The following DCP2 variants were observed in gnomAD, a reference collection of about 807,000 sequenced individuals.
DCP2 encodes decapping mRNA 2.
A neutral mutation model predicts 56.1 loss-of-function variants in DCP2; 30 were observed. That is an observed-to-expected ratio of 0.53 (90% CI 0.40 to 0.73). The LOEUF is 0.73. Ranked by LOEUF, DCP2 falls within the 30% of genes least tolerant of loss-of-function variation. The probability of loss-of-function intolerance (pLI) is 0.00; values close to 1 mark genes in which losing one functional copy is unlikely to be tolerated. For missense variants in DCP2, 533 were observed against 502.7 expected (o/e 1.06, Z -0.58); for synonymous variants, 197 against 163.3 (o/e 1.21, Z -1.57).
chr5:113,004,779 TA>T (rs1350299198), intron 8 of DCP2, among the ~76,000 whole-genome samples: 4 of 152,202 alleles, frequency 2.6e-5, no homozygotes, highest in Non-Finnish European at 5.9e-5. Flanking sequence ...TACTTGATGT[TA>T]TTTTTTTAAT....
At chr5:112,983,553 C>T (rs981263282) in intron 1 of DCP2, among the ~76,000 whole-genome samples, 5 of 152,162 alleles carry the variant, frequency 3.3e-5, no homozygotes, top group Non-Finnish European at 7.4e-5. Flanking sequence ...GTAGGATTGA[C>T]TTACGAGACC....
intron 1 of DCP2, among the ~76,000 whole-genome samples, chr5:112,980,389 G>T (rs1245825509): frequency 6.6e-6 from 1 of 152,190 alleles, no homozygotes; most frequent in Non-Finnish European, 1.5e-5. Flanking sequence ...TCTTCAGCTA[G>T]CCGTGTTAGT....
In DCP2 at chr5:112,980,165, A is replaced by G. The variant is rs114076892; in HGVS notation, c.53+3179A>G. On this transcript the variant is annotated intron_variant, in intron 1 of 10. Coordinates refer to ENST00000389063, the MANE Select transcript of DCP2 (RefSeq NM_152624.6). The stretch of plus-strand genomic sequence containing the variant: ...AATACAGAGTTTTTCAGTACTGTTT[A>G]AACTAGCTTATTAAAGAATTGAAAA... Among the ~76,000 whole-genome samples the G allele has an allele frequency of 9.0e-3, 1,369 of 152,330 alleles. 28 individuals carry two copies. Among genetic ancestry groups the G allele is most frequent in the African/African-American group, 0.032 (1,318 of 41,572 alleles).
At chr5:112,977,895 A>G (rs561148518) in intron 1 of DCP2, among the ~76,000 whole-genome samples, 3 of 151,856 alleles carry the variant, frequency 2.0e-5, no homozygotes, top group Admixed American at 2.0e-4. Context: ...TAGTAGTTGT[A>G]TCTCCTTCAT....
chr5:113,000,940 A>C, intron 4 of DCP2, 144 bp from the exon 5 acceptor site: 1 of 853,308 alleles, frequency 1.2e-6, no homozygotes, highest in Non-Finnish European at 1.8e-6. Flanking sequence ...TCTCATATGC[A>C]TTTCTGTACC....
At chr5:113,012,212 G>T (rs1482052315) in intron 10 of DCP2, among the ~76,000 whole-genome samples, 1 of 152,102 alleles carries the variant, frequency 6.6e-6, no homozygotes, top group Non-Finnish European at 1.5e-5. Flanking sequence ...AATTAAAAAT[G>T]AGCCAGCTGT....
At chr5:113,004,979 G>C (rs561405971) in intron 8 of DCP2, among the ~76,000 whole-genome samples, 1 of 152,072 alleles carries the variant, frequency 6.6e-6, no homozygotes, top group Non-Finnish European at 1.5e-5. Context: ...CAAAAAATTA[G>C]CTGGGCGTGG....
intron 1 of DCP2, among the ~76,000 whole-genome samples, chr5:112,981,899 T>C (rs1160260345): frequency 6.6e-6 from 1 of 152,076 alleles, no homozygotes. Flanking sequence ...TCCTCCCGAG[T>C]AGCTGGGATT....
At chr5:112,988,997 C>T (rs1401170531) in intron 2 of DCP2, among the ~76,000 whole-genome samples, 1 of 152,176 alleles carries the variant, frequency 6.6e-6, no homozygotes, top group African/African-American at 2.4e-5. Context: ...CTAAGAATAG[C>T]TACATGGAGA....
At chr5:112,980,779 A>C (rs78330770) in intron 1 of DCP2, among the ~76,000 whole-genome samples, 2,159 of 152,160 alleles carry the variant, frequency 0.014, 24 homozygotes, top group Middle Eastern at 0.02. Context: ...ACCCTTTTCT[A>C]TTCCTGTTGA....
At chr5:112,994,913 A>G (rs1005397121) in intron 4 of DCP2, among the ~76,000 whole-genome samples, 1 of 152,196 alleles carries the variant, frequency 6.6e-6, no homozygotes, top group African/African-American at 2.4e-5. Flanking sequence ...TTGAAATGGT[A>G]GTATGGATTT....
intron 4 of DCP2, among the ~76,000 whole-genome samples, chr5:112,994,261 G>A (rs181215380): frequency 1.7e-3 from 244 of 141,490 alleles, no homozygotes; most frequent in Middle Eastern, 7.3e-3. Flanking sequence ...AGCCTCGACC[G>A]CCTGGGCTCA....
At chr5:113,000,416 A>C (rs201831638) in intron 4 of DCP2, among the ~76,000 whole-genome samples, 2 of 116,978 alleles carry the variant, frequency 1.7e-5, no homozygotes, top group South Asian at 3.2e-4. Flanking sequence ...ACACACACAC[A>C]CACACACACC....
In DCP2 at chr5:113,001,172, T is replaced by C. The variant is rs1197659283; in HGVS notation, c.521T>C (p.Leu174Ser). The C allele has an allele frequency of 6.2e-7, 1 of 1,613,988 alleles. No homozygotes were observed. The highest frequency in any genetic ancestry group is 2.2e-5 in the East Asian group (1 of 44,852). ...ELRINDQLAR[L>S]YIIPGIPKDT... ...CGAATCAATGACCAGCTTGCTCGTT[T>C]GTACATCATTCCAGGAATTCCAAAA... The change falls in exon 5 of 11, where the codon TTG (leucine) becomes TCG (serine). Residue 174 changes from leucine to serine, a missense_variant. Leu to Ser is a moderately radical substitution (Grantham distance 145). Transcript: ENST00000389063.
rs765496079 is a variant in DCP2 at position 112,976,800 on chromosome 5, C to G, written c.-134C>G. ...AGCGGGTCCCGCCCCTTCCCCTTCT[C>G]GTCTCCGTTGGAGTCGTCTCTGCCG... On this transcript the variant is annotated 5_prime_UTR_variant, in exon 1 of 11. Coordinates refer to ENST00000389063, the MANE Select transcript of DCP2 (RefSeq NM_152624.6). 4 of 903,532 alleles carry G rather than the reference C, an allele frequency of 4.4e-6. No homozygotes were observed. The highest frequency in any genetic ancestry group is 7.5e-6 in the Non-Finnish European group (4 of 530,860). The allele number at this position is 903,532 out of a possible 1,614,324, so 56.0% of individuals were successfully genotyped here.
chr5:113,013,330 A>G lies in DCP2; in HGVS notation c.1109A>G (p.Tyr370Cys), dbSNP rs1239310718. The G allele has an allele frequency of 2.5e-6, 4 of 1,613,834 alleles. No homozygotes were observed. The highest frequency in any genetic ancestry group is 3.4e-6 in the Non-Finnish European group (4 of 1,179,868). ...TTTTTTCTTTAAACAGATGCTGTAT[A>G]TGACTTGCCTAGCTCCAGTGAAGAC... is the stretch of plus-strand genomic sequence containing the variant. Reference protein sequence around the residue: ...LQDNFETDAVYDLPSSSEDQL... With the variant: ...LQDNFETDAVCDLPSSSEDQL... The change falls in exon 11 of 11, where the codon TAT (tyrosine) becomes TGT (cysteine). Residue 370 changes from tyrosine to cysteine, a missense_variant. This residue lies in a region of DCP2 where 392 missense variants were observed against 346.6 expected (regional missense o/e 1.13). Coordinates refer to ENST00000389063, the MANE Select transcript of DCP2 (RefSeq NM_152624.6).
intron 6 of DCP2, 46 bp downstream of exon 6, chr5:113,001,515 CA>C: frequency 6.2e-7 from 1 of 1,605,458 alleles, no homozygotes; most frequent in South Asian, 1.1e-5. Context: ...TTGGGATAGT[CA>C]TCTTCTGTCT....
At chr5:112,993,978 A>G (rs1256815206) in intron 4 of DCP2, among the ~76,000 whole-genome samples, 2 of 151,522 alleles carry the variant, frequency 1.3e-5, no homozygotes, top group African/African-American at 2.4e-5. Context: ...TTATTTATTT[A>G]CTTATAGAGG....
chr5:112,999,368 C>G (rs900479200), intron 4 of DCP2, among the ~76,000 whole-genome samples: 24 of 151,708 alleles, frequency 1.6e-4, no homozygotes, highest in African/African-American at 5.3e-4. Flanking sequence ...GCTCTTGTTG[C>G]CCAGGCTGGA....
Sources: allele counts gnomAD v4.1 joint callset (sites outside exome capture counted in the v4.1 genomes callset), GRCh38; gene constraint gnomAD v4.1.1; regional missense constraint gnomAD v4.1.1; transcripts MANE v1.5; gene names NCBI Gene and HGNC (gene_info 2026-07-23, HGNC 2026-07-21).